CCDC192: variants seen among roughly 807,000 people sequenced by gnomAD.
CCDC192 encodes the protein coiled-coil domain-containing protein 192.
At chr5:127,704,488 T>G (rs945684548) in intron 1 of CCDC192, among the ~76,000 whole-genome samples, 1 of 152,160 alleles carries the variant, frequency 6.6e-6, no homozygotes, top group Non-Finnish European at 1.5e-5. Context: ...GTGCCTGGCC[T>G]GCTTCGTTAA....
intron 5 of CCDC192, among the ~76,000 whole-genome samples, chr5:127,840,981 G>A (rs151106231): frequency 7.9e-5 from 12 of 152,336 alleles, no homozygotes; most frequent in African/African-American, 2.9e-4. Flanking sequence ...AAGTCAACCA[G>A]AACCCTGACC....
At chr5:127,782,456 T>G (rs777685059) in intron 3 of CCDC192, among the ~76,000 whole-genome samples, 10 of 152,268 alleles carry the variant, frequency 6.6e-5, no homozygotes, top group African/African-American at 1.4e-4. Context: ...GACTTTTTTT[T>G]TTGTTGGTAA....
At chr5:127,751,623 G>T (rs938026583) in intron 2 of CCDC192, among the ~76,000 whole-genome samples, 19 of 152,220 alleles carry the variant, frequency 1.2e-4, no homozygotes, top group African/African-American at 4.6e-4. Flanking sequence ...GAGTATCTTT[G>T]TGGCGTTCTC....
intron 5 of CCDC192, among the ~76,000 whole-genome samples, chr5:127,801,915 C>T (rs4355566): frequency 2.6e-5 from 4 of 152,176 alleles, no homozygotes; most frequent in Admixed American, 2.6e-4. Context: ...TGTTGGCTAC[C>T]TAAGTTAGGT....
chr5:127,772,389 G>A (rs938650484), intron 3 of CCDC192, among the ~76,000 whole-genome samples: 1 of 151,400 alleles, frequency 6.6e-6, no homozygotes, highest in Non-Finnish European at 1.5e-5. Flanking sequence ...AACCTGTGTT[G>A]GGGGGGTGCG....
chr5:127,926,446 T>C (rs964980668), intron 6 of CCDC192, among the ~76,000 whole-genome samples: 1 of 152,034 alleles, frequency 6.6e-6, no homozygotes, highest in Non-Finnish European at 1.5e-5. Context: ...CCCATAGAGA[T>C]TGAGAACGTA....
intron 6 of CCDC192, among the ~76,000 whole-genome samples, chr5:127,899,561 C>A (rs1003919687): frequency 1.7e-4 from 23 of 137,422 alleles, no homozygotes; most frequent in Admixed American, 3.0e-4. Context: ...CACACTGCAC[C>A]AAAAAAAAAA....
At chr5:127,846,859 G>A (rs1750576046) in intron 5 of CCDC192, among the ~76,000 whole-genome samples, 2 of 143,930 alleles carry the variant, frequency 1.4e-5, no homozygotes, top group Admixed American at 7.0e-5. Flanking sequence ...GGAAACATCA[G>A]TGATTCCTCC....
At chr5:127,739,206 G>A (rs949488403) in intron 2 of CCDC192, among the ~76,000 whole-genome samples, 7 of 152,156 alleles carry the variant, frequency 4.6e-5, no homozygotes, top group Non-Finnish European at 1.0e-4. Context: ...GTGTCAGTGT[G>A]CCCCTGCTGG....
At chr5:127,929,178 A>G (rs1753949833) in intron 6 of CCDC192, among the ~76,000 whole-genome samples, 1 of 152,200 alleles carries the variant, frequency 6.6e-6, no homozygotes, top group Non-Finnish European at 1.5e-5. Context: ...CATCATTTTT[A>G]GTATTCAGAA....
intron 5 of CCDC192, among the ~76,000 whole-genome samples, chr5:127,821,563 A>G (rs1349719265): frequency 2.6e-5 from 4 of 152,198 alleles, no homozygotes; most frequent in Non-Finnish European, 4.4e-5. Context: ...TGTGAACTTT[A>G]TGCGCTTGTC....
chr5:127,863,414 A>G (rs1048203683), intron 5 of CCDC192, among the ~76,000 whole-genome samples: 1 of 152,254 alleles, frequency 6.6e-6, no homozygotes, highest in African/African-American at 2.4e-5. Flanking sequence ...TGGAGAGTAA[A>G]TTATAATGAG....
At chr5:127,799,739 G>C (rs1327495748) in intron 5 of CCDC192, among the ~76,000 whole-genome samples, 1 of 152,114 alleles carries the variant, frequency 6.6e-6, no homozygotes, top group Non-Finnish European at 1.5e-5. Context: ...CCTGTACCAT[G>C]CTGTTACTGC....
intron 5 of CCDC192, among the ~76,000 whole-genome samples, chr5:127,871,527 G>A (rs1351410792): frequency 3.9e-5 from 6 of 152,092 alleles, no homozygotes; most frequent in South Asian, 4.1e-4. Context: ...ACTACTACAC[G>A]GCATAGTGTC....
chr5:127,839,639 C>G (rs1750195043), intron 5 of CCDC192, among the ~76,000 whole-genome samples: 1 of 151,922 alleles, frequency 6.6e-6, no homozygotes, highest in Non-Finnish European at 1.5e-5. Context: ...GTGGCAAGTA[C>G]CATTACACAA....
chr5:127,776,705 G>A (rs547592546), intron 3 of CCDC192, among the ~76,000 whole-genome samples: 1 of 152,310 alleles, frequency 6.6e-6, no homozygotes, highest in Admixed American at 6.5e-5. Flanking sequence ...TGGTCCCTCT[G>A]CTGTATGCAG....
chr5:127,920,134 G>A (rs1753666303), intron 6 of CCDC192, among the ~76,000 whole-genome samples: 1 of 152,182 alleles, frequency 6.6e-6, no homozygotes, highest in Non-Finnish European at 1.5e-5. Flanking sequence ...TACACCAGTT[G>A]TTAACATAGA....
intron 2 of CCDC192, among the ~76,000 whole-genome samples, chr5:127,733,931 AT>A (rs1554069665): frequency 1.5e-4 from 22 of 143,294 alleles, no homozygotes; most frequent in African/African-American, 5.8e-4. Flanking sequence ...ATATATATAT[AT>A]TTTTTTATTA....
chr5:127,753,077 G>C (rs185069153), intron 2 of CCDC192, among the ~76,000 whole-genome samples: 2 of 152,130 alleles, frequency 1.3e-5, no homozygotes, highest in African/African-American at 4.8e-5. Flanking sequence ...CGTCTTCTGC[G>C]TCGCTCAGGC....
Sources: gnomAD v4.1 joint callset for allele counts (sites outside exome capture counted in the v4.1 genomes callset) on GRCh38, gnomAD v4.1.1 for gene constraint, MANE v1.5 for transcripts, NCBI Gene and HGNC (gene_info 2026-07-23, HGNC 2026-07-21) for gene names.